The following IFT80 variants were observed in gnomAD, a reference collection of about 807,000 sequenced individuals.
IFT80 encodes intraflagellar transport protein 80 homolog.
Under a neutral mutation model 107.9 loss-of-function variants are expected in IFT80, and 79 were observed. The ratio of observed to expected loss-of-function variants is 0.73; its 90% CI spans 0.61 to 0.88. The LOEUF (loss-of-function observed/expected upper bound fraction) is 0.88. Ranked by LOEUF, IFT80 falls within the 40% of genes least tolerant of loss-of-function variation. IFT80 has a pLI of 0.00. For missense variants in IFT80, 797 were observed against 914.2 expected, an observed-to-expected ratio of 0.87 and a Z score of 1.65; for synonymous variants, 299 against 300.9, an observed-to-expected ratio of 0.99 and a Z score of 0.07.
intron 12 of IFT80, among the ~76,000 whole-genome samples, chr3:160,288,075 T>C (rs1715234241): frequency 6.6e-6 from 1 of 152,362 alleles, no homozygotes; most frequent in South Asian, 2.1e-4. Flanking sequence ...CTGGGCGCAG[T>C]GGCTCACGCC....
chr3:160,368,258 C>G (rs1722003182), intron 5 of IFT80, among the ~76,000 whole-genome samples: 1 of 150,488 alleles, frequency 6.6e-6, no homozygotes, highest in Non-Finnish European at 1.5e-5. Context: ...AAGAGGTACC[C>G]TACTTTTTGT....
chr3:160,388,670 G>A (rs935394641), intron 1 of IFT80, among the ~76,000 whole-genome samples: 4 of 150,682 alleles, frequency 2.7e-5, no homozygotes, highest in Admixed American at 6.6e-5. Context: ...GAAAACGTTA[G>A]GTAGCTAAAA....
Position 160,366,109 on chromosome 3 carries a change from C to G in IFT80, c.483G>C (p.Lys161Asn), listed in dbSNP as rs886058133. ...GCTGCTTGCCTGCTGTATAAAGAACCTTTTCTGAATCAGGGCCCCACGCTA... is the reference window on the plus strand; with the variant it reads ...GCTGCTTGCCTGCTGTATAAAGAACGTTTTCTGAATCAGGGCCCCACGCTA... ...YSVAWGPDSEKVLYTAGKQLI... is the reference protein window; with the variant it reads ...YSVAWGPDSENVLYTAGKQLI... Residue 161 changes from lysine to asparagine, a missense_variant, in exon 6 of 20, where the codon AAG becomes AAC. Transcript: ENST00000326448. 3.1e-6 allele frequency: 5 copies of G among 1,612,342 alleles called. No homozygotes were observed. The highest frequency in any genetic ancestry group is 1.3e-5 in the African/African-American group (1 of 74,686).
rs1208047814 is a variant in IFT80 at position 160,307,728 on chromosome 3, G to T, written c.1011C>A (p.Val337=). 1.9e-6 allele frequency: 3 copies of T among 1,607,276 alleles called. No homozygotes were observed. Among genetic ancestry groups the T allele is most frequent in the South Asian group, 1.1e-5 (1 of 90,938 alleles). Residue 337 remains valine (V), a synonymous_variant, in exon 10 of 20, where the codon GTC becomes GTA. Transcript: ENST00000326448. Reference sequence around the variant, plus strand: ...GTGCATAGTTCAAAGATGCTTTAATGACTCTATCACGGAATTCCAGTAAAT... The same window carrying T: ...GTGCATAGTTCAAAGATGCTTTAATTACTCTATCACGGAATTCCAGTAAAT... ...AVDLLEFRDR[V]IKASLNYAHL...
At chr3:160,313,043 A>C (rs1484969582) in intron 9 of IFT80, among the ~76,000 whole-genome samples, 1 of 95,142 alleles carries the variant, frequency 1.1e-5, no homozygotes, top group Non-Finnish European at 2.0e-5. Flanking sequence ...TAAATATATA[A>C]TATATAATAA....
In IFT80 at chr3:160,285,819, C is replaced by T. The variant is rs1415277440; in HGVS notation, c.1365G>A (p.Lys455=). 2 of 1,608,388 alleles carry T rather than the reference C, an allele frequency of 1.2e-6. No homozygotes were observed. Among genetic ancestry groups the T allele is most frequent in the African/African-American group, 2.7e-5 (2 of 74,718 alleles). ...TGTCCATTACCTTATGAGAAAGAAACTTTCCATCACCTAACGGCTTTCCGG... is the reference window on the plus strand; with the variant it reads ...TGTCCATTACCTTATGAGAAAGAAATTTTCCATCACCTAACGGCTTTCCGG... The part of the protein sequence containing the change: ...ASTGKPLGDG[K]FLSHKNEILE... The change falls in exon 13 of 20, where the codon AAG becomes AAA. Residue 455 remains lysine, a synonymous_variant. Coordinates refer to ENST00000326448, the MANE Select transcript of IFT80 (RefSeq NM_020800.3).
At chr3:160,260,642 C>T (rs1445085547) in intron 19 of IFT80, among the ~76,000 whole-genome samples, 1 of 152,068 alleles carries the variant, frequency 6.6e-6, no homozygotes, top group African/African-American at 2.4e-5. Flanking sequence ...TAATTTAGTT[C>T]GTGGATTAGA....
intron 7 of IFT80, among the ~76,000 whole-genome samples, chr3:160,357,009 A>T (rs1379272415): frequency 6.6e-6 from 1 of 152,248 alleles, no homozygotes; most frequent in South Asian, 2.1e-4. Flanking sequence ...TTTTAAAAAC[A>T]TACTGAACTG....
chr3:160,391,231 AG>A lies in IFT80; in HGVS notation c.-46-6586del, dbSNP rs537796583. Among the ~76,000 whole-genome samples, 18 of 152,304 alleles carry A rather than the reference AG, an allele frequency of 1.2e-4. No individual in the cohort carries two copies. In the South Asian group the frequency reaches 3.5e-3, roughly 30 times the overall value. ...TTGAATTCTTTCTTGGGCCATCCCA[AG>A]AACACTCCTGGGCTAACCCCCAGTT... On this transcript the variant is annotated intron_variant, in intron 1 of 19. Coordinates refer to ENST00000326448, the MANE Select transcript of IFT80 (RefSeq NM_020800.3).
At chr3:160,392,255 C>T (rs1452153706) in intron 1 of IFT80, among the ~76,000 whole-genome samples, 1 of 152,180 alleles carries the variant, frequency 6.6e-6, no homozygotes, top group African/African-American at 2.4e-5. Flanking sequence ...AGTCCTTGTG[C>T]CTCTTCTGTA....
chr3:160,307,572 A>C (rs1212437801), intron 10 of IFT80, 91 bp downstream of exon 10: 5 of 815,036 alleles, frequency 6.1e-6, no homozygotes, highest in Non-Finnish European at 1.1e-5. Flanking sequence ...GTTAAGCTTA[A>C]ACCAAACCAC....
At chr3:160,384,869 G>T (rs1175319164) in intron 1 of IFT80, among the ~76,000 whole-genome samples, 2 of 152,152 alleles carry the variant, frequency 1.3e-5, no homozygotes, top group Admixed American at 6.5e-5. Context: ...AAACCTGCCT[G>T]AGACAGATCT....
chr3:160,323,489 C>CT (rs1718439892), intron 8 of IFT80, among the ~76,000 whole-genome samples: 1 of 152,062 alleles, frequency 6.6e-6, no homozygotes, highest in Admixed American at 6.6e-5. Flanking sequence ...CAGCTTTGTT[C>CT]TTTTGGCTTA....
chr3:160,326,621 AC>A (rs1412002065), intron 8 of IFT80, among the ~76,000 whole-genome samples: 2 of 152,178 alleles, frequency 1.3e-5, no homozygotes, highest in African/African-American at 4.8e-5. Context: ...ATAAAATTCA[AC>A]ATCCCTTCAT....
At chr3:160,309,942 T>C (rs559633442) in intron 9 of IFT80, among the ~76,000 whole-genome samples, 54 of 152,176 alleles carry the variant, frequency 3.5e-4, no homozygotes, top group Non-Finnish European at 6.2e-4. Flanking sequence ...AGTAAAACTC[T>C]ATAATCTTAA....
intron 9 of IFT80, among the ~76,000 whole-genome samples, chr3:160,309,518 T>C (rs904740166): frequency 6.6e-6 from 1 of 152,104 alleles, no homozygotes. Flanking sequence ...AAACCCTGTC[T>C]CTACTAAAAA....
chr3:160,282,506 A>G lies in IFT80; in HGVS notation c.1488T>C (p.Phe496=). Residue 496 remains phenylalanine, a synonymous_variant, in exon 14 of 20, where the codon TTT becomes TTC. Coordinates refer to ENST00000326448, the MANE Select transcript of IFT80 (RefSeq NM_020800.3). Reference sequence around the variant, plus strand: ...GCTTGATAATTTGTTCTTCCTTCCCAAATCGTTTCACAGAAGTGATACAGA... The same window carrying G: ...GCTTGATAATTTGTTCTTCCTTCCCGAATCGTTTCACAGAAGTGATACAGA... ...RDLCITSVKR[F]GKEEQIIKLG... 1 of 1,596,452 alleles carries G rather than the reference A, an allele frequency of 6.3e-7. No individual in the cohort carries two copies. Among genetic ancestry groups the G allele is most frequent in the Non-Finnish European group, 8.6e-7 (1 of 1,168,236 alleles).
chr3:160,337,807 C>T (rs186228024), intron 8 of IFT80, among the ~76,000 whole-genome samples: 17 of 151,784 alleles, frequency 1.1e-4, no homozygotes, highest in Admixed American at 9.8e-4. Context: ...TGTTTTTTTC[C>T]CTTTTCTCTA....
intron 1 of IFT80, among the ~76,000 whole-genome samples, chr3:160,390,151 C>T (rs1457105261): frequency 6.6e-6 from 1 of 152,092 alleles, no homozygotes; most frequent in Non-Finnish European, 1.5e-5. Flanking sequence ...GGCATGGTGG[C>T]TCATGCCTGT....
Sources: allele counts gnomAD v4.1 joint callset (sites outside exome capture counted in the v4.1 genomes callset), GRCh38; gene constraint gnomAD v4.1.1; transcripts MANE v1.5; gene names NCBI Gene and HGNC (gene_info 2026-07-23, HGNC 2026-07-21).